The following DPP10 variants were observed in gnomAD, a reference collection of about 807,000 sequenced individuals.
DPP10 encodes dipeptidyl peptidase like 10, also known as inactive dipeptidyl peptidase 10.
A neutral mutation model predicts 120.9 loss-of-function variants in DPP10; 33 were observed. That is an observed-to-expected ratio of 0.27 (90% confidence interval 0.21 to 0.37). The LOEUF (loss-of-function observed/expected upper bound fraction) is 0.37. Ranked by LOEUF, DPP10 falls within the 10% of genes least tolerant of loss-of-function variation. The probability of loss-of-function intolerance (pLI) is 1.00; values close to 1 mark genes in which losing one functional copy is unlikely to be tolerated. For synonymous variants in DPP10, 337 were observed against 326.1 expected, an observed-to-expected ratio of 1.03 and a Z score of -0.36; for missense variants, 816 against 942.8, an observed-to-expected ratio of 0.87 and a Z score of 1.76.
At chr2:115,495,365 GAA>G (rs3039998) in intron 3 of DPP10, among the ~76,000 whole-genome samples, 84 of 82,228 alleles carry the variant, frequency 1.0e-3, no homozygotes, top group South Asian at 3.0e-3. Context: ...GCCATTTTCT[GAA>G]AAAAAAAAAA....
At chr2:115,144,962 T>C (rs2051140909) in intron 1 of DPP10, 1 of 152,052 alleles carries the variant, frequency 6.6e-6, no homozygotes, top group Admixed American at 6.6e-5. Flanking sequence ...TTTTCCAGCA[T>C]TTATAGTTAT....
intron 1 of DPP10, among the ~76,000 whole-genome samples, chr2:115,094,957 G>A (rs770700463): frequency 6.6e-6 from 1 of 152,114 alleles, no homozygotes; most frequent in East Asian, 1.9e-4. Context: ...CAGACAACTG[G>A]CACTTTGGCT....
rs370972083 is a variant in DPP10, at chr2:115,419,321, G to A, written c.271+75409G>A. Among the ~76,000 whole-genome samples, 7 of 152,278 alleles carry A rather than the reference G, an allele frequency of 4.6e-5. No homozygotes were observed. In the East Asian group the frequency reaches 1.4e-3, roughly 29 times the overall value. ...GCTCCTGGTTCCGCAGACTGTACAA[G>A]AAGCATGGTGTCAGTATCTGCATCT... On this transcript the variant is annotated intron_variant, in intron 3 of 25. Coordinates refer to ENST00000410059, the MANE Select transcript of DPP10 (RefSeq NM_020868.6).
At chr2:114,877,864 C>G (rs62165250) in intron 1 of DPP10, among the ~76,000 whole-genome samples, 4,930 of 151,888 alleles carry the variant, frequency 0.032, 122 homozygotes, top group Non-Finnish European at 0.05. Flanking sequence ...TGGCCTCTAC[C>G]CACTAGATGC....
At position 115,183,056 on chromosome 2, in the gene DPP10, C is replaced by T. The variant is rs991984226; in HGVS notation, c.61-126183C>T. 2.6e-5 allele frequency among the ~76,000 whole-genome samples: 4 copies of T among 152,098 alleles called. No homozygotes were observed. The South Asian group carries it at 8.3e-4, about 32-fold the overall frequency. ...GTACGTGCATGCGCACACATGCACA[C>T]AGAGGCACGCACATTAACTAAGGGA... On this transcript the variant is annotated intron_variant, in intron 1 of 25. Coordinates refer to ENST00000410059, the MANE Select transcript of DPP10 (RefSeq NM_020868.6).
At chr2:115,493,748 T>C (rs1468188163) in intron 3 of DPP10, among the ~76,000 whole-genome samples, 1 of 152,074 alleles carries the variant, frequency 6.6e-6, no homozygotes, top group Non-Finnish European at 1.5e-5. Flanking sequence ...ATTTGGTTAT[T>C]GCAGGTCAGT....
intron 1 of DPP10, among the ~76,000 whole-genome samples, chr2:115,028,114 T>C (rs1454970169): frequency 6.6e-6 from 1 of 152,090 alleles, no homozygotes; most frequent in Non-Finnish European, 1.5e-5. Context: ...CTGCTCCAAT[T>C]TTTATTACTT....
chr2:115,021,535 A>G (rs982405852), intron 1 of DPP10, among the ~76,000 whole-genome samples: 14 of 152,216 alleles, frequency 9.2e-5, no homozygotes, highest in Non-Finnish European at 1.3e-4. Context: ...AAAAATTGAC[A>G]AAAACTGTAT....
chr2:114,442,928 T>C, intron 1 of DPP10, 90 bp downstream of exon 1: 24 of 1,476,536 alleles, frequency 1.6e-5, no homozygotes, highest in Non-Finnish European at 2.1e-5. Flanking sequence ...GTACTGACAG[T>C]GGACATACCT....
chr2:115,650,413 G>A lies in DPP10; in HGVS notation c.442-39274G>A, dbSNP rs572954849. 5.7e-4 allele frequency among the ~76,000 whole-genome samples: 82 copies of A among 144,398 alleles called. No individual in the cohort carries two copies. In the South Asian group the frequency reaches 8.1e-3, roughly 14 times the overall value. The allele number at this position is 144,398 out of a possible 152,430, so 94.7% of individuals were successfully genotyped here. On this transcript the variant is annotated intron_variant, in intron 5 of 25. Coordinates refer to ENST00000410059, the MANE Select transcript of DPP10 (RefSeq NM_020868.6). ...AGGCACATGCTGGCATGGGGAAAGG[G>A]GGGGGGGGATAATCCACTTGACAAC... is the stretch of plus-strand genomic sequence containing the variant.
At chr2:115,234,694 G>C (rs141594964) in intron 1 of DPP10, 1 of 152,004 alleles carries the variant, frequency 6.6e-6, no homozygotes, top group African/African-American at 2.4e-5. Context: ...TGTTTTTCCT[G>C]AACATACATG....
intron 1 of DPP10, among the ~76,000 whole-genome samples, chr2:114,588,870 C>T (rs114261144): frequency 0.011 from 1,611 of 152,084 alleles, 14 homozygotes; most frequent in Non-Finnish European, 0.017. Context: ...TTGTATGTTA[C>T]TGATTGGCAC....
intron 1 of DPP10, among the ~76,000 whole-genome samples, chr2:114,482,018 G>A (rs1342715552): frequency 6.6e-6 from 1 of 151,788 alleles, no homozygotes; most frequent in African/African-American, 2.4e-5. Flanking sequence ...AGACAACCTA[G>A]GGGAAACTGC....
chr2:114,475,708 A>G (rs916290464), intron 1 of DPP10, among the ~76,000 whole-genome samples: 7 of 152,196 alleles, frequency 4.6e-5, no homozygotes, highest in African/African-American at 1.7e-4. Flanking sequence ...TCACAGTTTT[A>G]TACATCGTCC....
chr2:114,995,444 G>T (rs1021825356), intron 1 of DPP10, among the ~76,000 whole-genome samples: 6 of 151,552 alleles, frequency 4.0e-5, no homozygotes, highest in African/African-American at 1.5e-4. Flanking sequence ...AATGAGTGCT[G>T]TATCTTATTT....
At chr2:115,659,420 G>C (rs1229984503) in intron 5 of DPP10, among the ~76,000 whole-genome samples, 1 of 151,714 alleles carries the variant, frequency 6.6e-6, no homozygotes, top group Non-Finnish European at 1.5e-5. Flanking sequence ...AAAAAGTTTA[G>C]AATTGAAACT....
In DPP10 at chr2:115,244,319, A is replaced by G. The variant is rs572776817; in HGVS notation, c.61-64920A>G. ...ATGATATGAATGTGTACTATGATAC[A>G]TTGGCCTTTTTGAATTACTTTTACA... is the stretch of plus-strand genomic sequence containing the variant. On this transcript the variant is annotated intron_variant, in intron 1 of 25. Coordinates refer to ENST00000410059, the MANE Select transcript of DPP10 (RefSeq NM_020868.6). Among the ~76,000 whole-genome samples, 16 of 150,672 alleles carry G rather than the reference A, an allele frequency of 1.1e-4. No individual in the cohort carries two copies. In the South Asian group the frequency reaches 3.3e-3, roughly 31 times the overall value.
chr2:115,816,444 A>C (rs1019834154), intron 21 of DPP10, among the ~76,000 whole-genome samples: 1 of 152,122 alleles, frequency 6.6e-6, no homozygotes, highest in Non-Finnish European at 1.5e-5. Context: ...GAAAACAGAC[A>C]CAGGCTTAGA....
chr2:115,476,332 T>A (rs2075077191), intron 3 of DPP10, among the ~76,000 whole-genome samples: 1 of 152,052 alleles, frequency 6.6e-6, no homozygotes, highest in African/African-American at 2.4e-5. Flanking sequence ...ACATGCCTGC[T>A]CCCCCTTTGC....
Sources: allele counts gnomAD v4.1 joint callset (sites outside exome capture counted in the v4.1 genomes callset), GRCh38; gene constraint gnomAD v4.1.1; transcripts MANE v1.5; gene names NCBI Gene and HGNC (gene_info 2026-07-23, HGNC 2026-07-21).